The following GALNT13 variants were observed in gnomAD, a reference collection of about 807,000 sequenced individuals.
The protein encoded by GALNT13 is polypeptide N-acetylgalactosaminyltransferase 13.
In GALNT13, 28 loss-of-function variants were observed where a neutral mutation model predicts 64.2. The observed-to-expected ratio is 0.44, with a 90% confidence interval of 0.32 to 0.60. The LOEUF is 0.60. GALNT13 is among the 20% of genes least tolerant of loss of function. The pLI, the probability that GALNT13 is intolerant of heterozygous loss-of-function variation, is 0.05. For synonymous variants in GALNT13, 214 were observed against 224.6 expected (o/e 0.95, Z 0.42); for missense variants, 577 against 669.8 (o/e 0.86, Z 1.53).
chr2:154,224,018 AAAG>A (rs1338185356), intron 4 of GALNT13, among the ~76,000 whole-genome samples: 3 of 152,120 alleles, frequency 2.0e-5, no homozygotes, highest in African/African-American at 4.8e-5. Flanking sequence ...TTTAGGAAAA[AAAG>A]AAGTTTACAT....
At chr2:153,193,629 T>C in the GALNT13 span, among the ~76,000 whole-genome samples, 1 of 146,268 alleles carries the variant, frequency 6.8e-6, no homozygotes, top group Non-Finnish European at 1.5e-5. Flanking sequence ...AGGTTTATAA[T>C]AAATAAATAT....
In GALNT13 at chr2:154,272,285, T is replaced by G. The variant is rs183397260; in HGVS notation, c.975+13147T>G. On this transcript the variant is annotated intron_variant, in intron 8 of 12. Coordinates refer to ENST00000392825, the MANE Select transcript of GALNT13 (RefSeq NM_052917.4). ...AAAACACTTTTGAAAATATTATTCT[T>G]TAACAGATACAAGGATATTTTAAAC... 5.9e-5 allele frequency among the ~76,000 whole-genome samples: 9 copies of G among 152,116 alleles called. No individual in the cohort carries two copies. The East Asian group carries it at 1.7e-3, about 29-fold the overall frequency.
chr2:154,001,233 A>C (rs1695881233), intron 3 of GALNT13, among the ~76,000 whole-genome samples: 1 of 151,964 alleles, frequency 6.6e-6, no homozygotes, highest in African/African-American at 2.4e-5. Context: ...TTTTTAAAAA[A>C]TGTTATATAG....
chr2:153,918,970 C>T (rs1574113667), intron 2 of GALNT13, among the ~76,000 whole-genome samples: 1 of 152,084 alleles, frequency 6.6e-6, no homozygotes, highest in East Asian at 1.9e-4. Context: ...CTGCTTCAAG[C>T]TCACCAAAGT....
the GALNT13 span, among the ~76,000 whole-genome samples, chr2:153,128,622 A>G: frequency 6.6e-6 from 1 of 152,178 alleles, no homozygotes; most frequent in African/African-American, 2.4e-5. Flanking sequence ...GTTATATGTA[A>G]AAGACAGTAA....
chr2:153,550,152 A>G, the GALNT13 span, among the ~76,000 whole-genome samples: 2 of 152,194 alleles, frequency 1.3e-5, no homozygotes, highest in African/African-American at 2.4e-5. Flanking sequence ...TCTAGCAGCA[A>G]AGAGATTTCT....
chr2:153,573,802 GA>G, the GALNT13 span, among the ~76,000 whole-genome samples: 2 of 151,952 alleles, frequency 1.3e-5, no homozygotes, highest in Non-Finnish European at 2.9e-5. Context: ...TCTATAACTT[GA>G]AAAGTCATTG....
chr2:153,646,783 G>A, the GALNT13 span, among the ~76,000 whole-genome samples: 1 of 152,048 alleles, frequency 6.6e-6, no homozygotes, highest in African/African-American at 2.4e-5. Flanking sequence ...TCCCTACAAA[G>A]GACATGAACT....
At chr2:153,521,288 T>C in the GALNT13 span, among the ~76,000 whole-genome samples, 1 of 152,176 alleles carries the variant, frequency 6.6e-6, no homozygotes, top group East Asian at 1.9e-4. Context: ...TTAGGTTTTT[T>C]TTTTTCCTAA....
At chr2:153,247,285 A>G in the GALNT13 span, among the ~76,000 whole-genome samples, 1 of 152,362 alleles carries the variant, frequency 6.6e-6, no homozygotes, top group South Asian at 2.1e-4. Context: ...GATCAAGTGG[A>G]CCTAACAGAC....
the GALNT13 span, among the ~76,000 whole-genome samples, chr2:153,442,778 C>T: frequency 6.6e-6 from 1 of 152,170 alleles, no homozygotes; most frequent in Non-Finnish European, 1.5e-5. Flanking sequence ...AATCTGACTA[C>T]AGCGGTTTTG....
chr2:153,571,346 A>G, the GALNT13 span, among the ~76,000 whole-genome samples: 1 of 152,124 alleles, frequency 6.6e-6, no homozygotes, highest in Admixed American at 6.5e-5. Context: ...CAGTTCTAAT[A>G]GTTTTCTTGT....
At chr2:153,106,108 A>C in the GALNT13 span, among the ~76,000 whole-genome samples, 3 of 152,142 alleles carry the variant, frequency 2.0e-5, no homozygotes, top group African/African-American at 7.2e-5. Flanking sequence ...TAATTAAATA[A>C]AATGCTATCA....
the GALNT13 span, among the ~76,000 whole-genome samples, chr2:153,232,456 CCTT>C: frequency 6.6e-6 from 1 of 152,128 alleles, no homozygotes; most frequent in South Asian, 2.1e-4. Context: ...TTATTTATAG[CCTT>C]CTTCTTTTAG....
the GALNT13 span, among the ~76,000 whole-genome samples, chr2:153,796,975 CTA>C: frequency 6.6e-6 from 1 of 152,218 alleles, no homozygotes; most frequent in South Asian, 2.1e-4. Context: ...GAGTTTATTT[CTA>C]TCATTAATTT....
the GALNT13 span, among the ~76,000 whole-genome samples, chr2:153,070,636 A>G: frequency 2.0e-5 from 3 of 152,180 alleles, no homozygotes; most frequent in Non-Finnish European, 4.4e-5. Context: ...TCCAAAAAGT[A>G]AAGTCTATTA....
the GALNT13 span, among the ~76,000 whole-genome samples, chr2:153,458,075 G>T: frequency 6.6e-6 from 1 of 152,040 alleles, no homozygotes; most frequent in Non-Finnish European, 1.5e-5. Context: ...TTCTAACCTT[G>T]CACTTCTGCT....
intron 11 of GALNT13, among the ~76,000 whole-genome samples, chr2:154,420,076 T>TAAATA (rs1700183864): frequency 6.6e-6 from 1 of 152,046 alleles, no homozygotes; most frequent in Non-Finnish European, 1.5e-5. Flanking sequence ...AATATCACAG[T>TAAATA]AAGTGTATAA....
At chr2:154,236,194 T>C (rs760317898) in intron 4 of GALNT13, 306 of 1,045,864 alleles carry the variant, frequency 2.9e-4, no homozygotes, top group Non-Finnish European at 3.4e-4. Context: ...ATCTTCCTAC[T>C]TTTATAAGAT....
Sources: allele counts gnomAD v4.1 joint callset (sites outside exome capture counted in the v4.1 genomes callset), GRCh38; gene constraint gnomAD v4.1.1; transcripts MANE v1.5; gene names NCBI Gene and HGNC (gene_info 2026-07-23, HGNC 2026-07-21).